The following KCNAB1 variants were observed in gnomAD, a reference collection of about 807,000 sequenced individuals.
KCNAB1 encodes the protein potassium voltage-gated channel subfamily A regulatory beta subunit 1.
In KCNAB1, 35 loss-of-function variants were observed where a neutral mutation model predicts 64.6. That is an observed-to-expected ratio of 0.54 (90% CI 0.41 to 0.72). The LOEUF (loss-of-function observed/expected upper bound fraction) is 0.72, where lower values mean the gene tolerates loss of function less well. Ranked by LOEUF, KCNAB1 falls within the 30% of genes least tolerant of loss-of-function variation. The pLI is 0.00. For missense variants in KCNAB1, 401 were observed against 512.9 expected, an observed-to-expected ratio of 0.78 and a Z score of 2.11; for synonymous variants, 177 against 183.8, an observed-to-expected ratio of 0.96 and a Z score of 0.30.
At chr3:156,144,229 A>G (rs1714909042) in intron 1 of KCNAB1, among the ~76,000 whole-genome samples, 1 of 152,188 alleles carries the variant, frequency 6.6e-6, no homozygotes, top group African/African-American at 2.4e-5. Context: ...ACAATTTAGC[A>G]ATTGTAAGAA....
At position 156,452,483 on chromosome 3, in the gene KCNAB1, G is replaced by A. The variant is rs1257968837; in HGVS notation, c.320-416G>A. Among the ~76,000 whole-genome samples, 2 of 152,176 alleles carry A rather than the reference G, an allele frequency of 1.3e-5. No homozygotes were observed. The highest frequency in any genetic ancestry group is 4.8e-5 in the African/African-American group (2 of 41,440). ...TGAATAAAAAATACAGCCACTATTTGGAGGCAAAGAAGGGGAGAACTATAA... is the reference window on the plus strand; with the variant it reads ...TGAATAAAAAATACAGCCACTATTTAGAGGCAAAGAAGGGGAGAACTATAA... On this transcript the variant is annotated intron_variant, in intron 2 of 13. Transcript: ENST00000490337. The surrounding 1 kb of genome is among the most constrained non-coding windows in gnomAD (Gnocchi z 4.6).
rs115976446 is a variant in KCNAB1, at chr3:156,253,340, C to T, written c.275+132454C>T. ...GTGGCTGAAACAAAGGCTTTCACAT[C>T]CCCTCCCCACAAGGTCCTTTGGGCT... On this transcript the variant is annotated intron_variant, in intron 1 of 13. Transcript: ENST00000490337. Among the ~76,000 whole-genome samples the T allele has an allele frequency of 3.8e-3, 573 of 152,282 alleles. 6 individuals are homozygous for T. The highest frequency in any genetic ancestry group is 0.013 in the African/African-American group (553 of 41,542).
intron 1 of KCNAB1, among the ~76,000 whole-genome samples, chr3:156,404,964 A>G (rs1714151199): frequency 6.6e-6 from 1 of 152,236 alleles, no homozygotes; most frequent in Non-Finnish European, 1.5e-5. Flanking sequence ...TTCAGGAGCA[A>G]AGCTCAAGAG....
At chr3:156,280,872 G>A (rs1013593757) in intron 1 of KCNAB1, among the ~76,000 whole-genome samples, 178 of 149,246 alleles carry the variant, frequency 1.2e-3, no homozygotes, top group Middle Eastern at 3.5e-3. Context: ...GGGCTGAGAC[G>A]ATGGGGTTTT....
Position 156,452,284 on chromosome 3 carries a change from C to T in KCNAB1, c.320-615C>T, listed in dbSNP as rs1712067492. Among the ~76,000 whole-genome samples, 1 of 152,210 alleles carries T rather than the reference C, an allele frequency of 6.6e-6. No homozygotes were observed. Among genetic ancestry groups the T allele is most frequent in the South Asian group, 2.1e-4 (1 of 4,830 alleles). On this transcript the variant is annotated intron_variant, in intron 2 of 13. Transcript: ENST00000490337. This position sits in a 1 kb window ranked among gnomAD's most constrained non-coding sequence, Gnocchi z 4.6. ...TTGGCTGCTGAGTGTGCATCTCTCC[C>T]CTTGCCTTCCCAAACCTTACTCCTG...
intron 1 of KCNAB1, among the ~76,000 whole-genome samples, chr3:156,215,954 G>A (rs1715292560): frequency 6.6e-6 from 1 of 152,194 alleles, no homozygotes; most frequent in South Asian, 2.1e-4. Flanking sequence ...TGAAATTGCT[G>A]ACATAGGACC....
rs749012700 is a variant in KCNAB1 at position 156,373,466 on chromosome 3, C to A, written c.276-48150C>A. On this transcript the variant is annotated intron_variant, in intron 1 of 13. Coordinates refer to ENST00000490337, the MANE Select transcript of KCNAB1 (RefSeq NM_172160.3). ...AAGGCCTCTCAGGTTTCAAGAGAGACCTCACTGTTTTTAAAAAAGGAAGAA... is the reference window on the plus strand; with the variant it reads ...AAGGCCTCTCAGGTTTCAAGAGAGAACTCACTGTTTTTAAAAAAGGAAGAA... Among the ~76,000 whole-genome samples the A allele has an allele frequency of 1.8e-4, 28 of 152,090 alleles. 1 individual carries two copies. The highest frequency in any genetic ancestry group is 4.6e-4 in the Admixed American group (7 of 15,258).
chr3:156,137,558 T>C (rs1480185036), intron 1 of KCNAB1, among the ~76,000 whole-genome samples: 4 of 151,934 alleles, frequency 2.6e-5, no homozygotes, highest in Non-Finnish European at 5.9e-5. Context: ...TCCTCTTTTT[T>C]TTTTTTTTGA....
At chr3:156,292,760 C>T (rs925655447) in intron 1 of KCNAB1, among the ~76,000 whole-genome samples, 3 of 152,188 alleles carry the variant, frequency 2.0e-5, no homozygotes, top group African/African-American at 7.2e-5. Flanking sequence ...CCAGGCTGGT[C>T]TCGAACTCCT....
At chr3:156,526,926 C>A (rs1718349563) in intron 12 of KCNAB1, among the ~76,000 whole-genome samples, 1 of 151,210 alleles carries the variant, frequency 6.6e-6, no homozygotes, top group Admixed American at 6.6e-5. Context: ...AACACTAACC[C>A]AATGAGATAA....
chr3:156,306,575 A>G (rs1721507336), intron 1 of KCNAB1, among the ~76,000 whole-genome samples: 1 of 152,244 alleles, frequency 6.6e-6, no homozygotes, highest in Non-Finnish European at 1.5e-5. Context: ...TTCGGTGTCC[A>G]GATGTCTAAG....
At chr3:156,518,357 G>C (rs1410850428) in intron 11 of KCNAB1, among the ~76,000 whole-genome samples, 1 of 152,044 alleles carries the variant, frequency 6.6e-6, no homozygotes. Flanking sequence ...GTGCACTTAT[G>C]AAAGCCACTT....
intron 1 of KCNAB1, among the ~76,000 whole-genome samples, chr3:156,352,025 G>A (rs925411102): frequency 3.9e-5 from 6 of 152,204 alleles, no homozygotes; most frequent in Non-Finnish European, 7.3e-5. Context: ...GCTGAGCTCT[G>A]TGAGGCTGGC....
At chr3:156,432,130 A>T (rs1054982130) in intron 2 of KCNAB1, among the ~76,000 whole-genome samples, 1 of 152,178 alleles carries the variant, frequency 6.6e-6, no homozygotes, top group Non-Finnish European at 1.5e-5. Flanking sequence ...TTAAGAAGAA[A>T]ACATATTCCT....
rs568059165 is a variant in KCNAB1 at position 156,538,117 on chromosome 3, A to G, written c.*1370A>G. 1 of 150,446 alleles carries G rather than the reference A, an allele frequency of 6.6e-6. No homozygotes were observed. The highest frequency in any genetic ancestry group is 1.5e-5 in the Non-Finnish European group (1 of 67,840). The allele number at this position is 150,446 out of a possible 1,614,324, so 9.3% of individuals were successfully genotyped here. ...AAAATTGTGAGACTATACTGTGTCA[A>G]TATCTGTAAAAAGAGAGAAAACATG... On this transcript the variant is annotated 3_prime_UTR_variant, in exon 14 of 14. Transcript: ENST00000490337.
chr3:156,188,763 AATC>A (rs754303136), intron 1 of KCNAB1, among the ~76,000 whole-genome samples: 9 of 152,290 alleles, frequency 5.9e-5, no homozygotes, highest in Admixed American at 4.6e-4. Flanking sequence ...TCTCAGTTGT[AATC>A]ATCATTTTGC....
rs189900816 is a variant in KCNAB1 at position 156,248,658 on chromosome 3, C to T, written c.275+127772C>T. ...CATTGCATATAAATGACAATGGAGG[C>T]CCATGGAGGCAAAGTAACATATCCG... On this transcript the variant is annotated intron_variant, in intron 1 of 13. Transcript: ENST00000490337. 1.3e-3 allele frequency among the ~76,000 whole-genome samples: 195 copies of T among 152,096 alleles called. 2 individuals carry two copies. The highest frequency in any genetic ancestry group is 5.9e-5 in the Non-Finnish European group (4 of 68,012).
chr3:156,514,279 C>G, intron 8 of KCNAB1, 85 bp from the exon 9 acceptor site: 1 of 990,624 alleles, frequency 1.0e-6, no homozygotes, highest in Non-Finnish European at 1.6e-6. Context: ...CATTAAGCTT[C>G]TAAGCTTTGG....
intron 5 of KCNAB1, among the ~76,000 whole-genome samples, chr3:156,462,246 A>G (rs1712970437): frequency 1.3e-5 from 2 of 152,268 alleles, no homozygotes; most frequent in South Asian, 4.1e-4. Context: ...GTTAATGTGC[A>G]TATCCATATA....
Sources: allele counts gnomAD v4.1 joint callset (sites outside exome capture counted in the v4.1 genomes callset), GRCh38; gene constraint gnomAD v4.1.1; non-coding constraint Gnocchi (gnomAD v3.1); transcripts MANE v1.5; gene names NCBI Gene and HGNC (gene_info 2026-07-23, HGNC 2026-07-21).